Variants in PPARGC1B observed in about 807,000 individuals in gnomAD.
PPARGC1B encodes peroxisome proliferator-activated receptor gamma coactivator 1-beta.
In PPARGC1B, 34 loss-of-function variants were observed where a neutral mutation model predicts 101.6. The observed-to-expected ratio is 0.33, with a 90% confidence interval of 0.25 to 0.45. The LOEUF (loss-of-function observed/expected upper bound fraction) is 0.45, where lower values mean the gene tolerates loss of function less well. PPARGC1B is among the 20% of genes least tolerant of loss of function. The probability of loss-of-function intolerance (pLI) is 1.00; values close to 1 mark genes in which losing one functional copy is unlikely to be tolerated. For synonymous variants in PPARGC1B, 548 were observed against 539.3 expected, an observed-to-expected ratio of 1.02 and a Z score of -0.22; for missense variants, 1,234 against 1,317.6, an observed-to-expected ratio of 0.94 and a Z score of 0.98.
At chr5:149,765,501 G>A (rs1230203061) in intron 1 of PPARGC1B, among the ~76,000 whole-genome samples, 1 of 152,106 alleles carries the variant, frequency 6.6e-6, no homozygotes, top group Non-Finnish European at 1.5e-5. Context: ...CTGTGAGGTC[G>A]ATGGCTGTAA....
In PPARGC1B at chr5:149,832,069, G is replaced by T. The variant is rs1758804778; in HGVS notation, c.583-587G>T. On this transcript the variant is annotated intron_variant, in intron 4 of 11. Coordinates refer to ENST00000309241, the MANE Select transcript of PPARGC1B (RefSeq NM_133263.4). This position sits in a 1 kb window ranked among gnomAD's most constrained non-coding sequence, Gnocchi z 4.9. Reference sequence around the variant, plus strand: ...CGCCTGTAATCCCAGCACTTTGGGAGGCTGAGGCGGGAGGATCACTTGAGC... The same window carrying T: ...CGCCTGTAATCCCAGCACTTTGGGATGCTGAGGCGGGAGGATCACTTGAGC... 6.6e-6 allele frequency among the ~76,000 whole-genome samples: 1 copy of T among 152,200 alleles called. No individual in the cohort carries two copies. The highest frequency in any genetic ancestry group is 2.4e-5 in the African/African-American group (1 of 41,452).
chr5:149,770,322 G>A (rs1263853236), intron 1 of PPARGC1B, among the ~76,000 whole-genome samples: 2 of 152,092 alleles, frequency 1.3e-5, no homozygotes. Context: ...AAAAAGGCGA[G>A]AACACTCTAA....
At position 149,830,861 on chromosome 5, in the gene PPARGC1B, A is replaced by G. The variant is rs772403125; in HGVS notation, c.560A>G (p.Lys187Arg). 26 of 1,613,254 alleles carry G rather than the reference A, an allele frequency of 1.6e-5. No individual in the cohort carries two copies. The highest frequency in any genetic ancestry group is 2.2e-5 in the East Asian group (1 of 44,886). ...TGGCGCCAGGCAGGCCTCAGATCTA[A>G]AAGTCAACGGCCTTGTGTTAAGGTA... ...TAWRQAGLRSKSQRPCVKADS... is the reference protein window; with the variant it reads ...TAWRQAGLRSRSQRPCVKADS... The change falls in exon 4 of 12, where the codon AAA (lysine) becomes AGA (arginine). Residue 187 changes from lysine to arginine, a missense_variant. By Grantham distance (26) the Lys-to-Arg change is conservative. Transcript: ENST00000309241.
At chr5:149,830,048 A>AAAG (rs1758701925) in intron 3 of PPARGC1B, among the ~76,000 whole-genome samples, 1 of 120,600 alleles carries the variant, frequency 8.3e-6, no homozygotes, top group Admixed American at 8.3e-5. Flanking sequence ...AAAAAAAAAA[A>AAAG]AAAAAAGAAA....
At chr5:149,796,984 G>A (rs1361869348) in intron 1 of PPARGC1B, among the ~76,000 whole-genome samples, 1 of 152,214 alleles carries the variant, frequency 6.6e-6, no homozygotes, top group Non-Finnish European at 1.5e-5. Context: ...CAGCCTGTGT[G>A]CATTTCTAAC....
At chr5:149,772,173 T>G (rs1377074624) in intron 1 of PPARGC1B, 6 of 1,607,460 alleles carry the variant, frequency 3.7e-6, no homozygotes, top group African/African-American at 1.3e-5. Flanking sequence ...TTAGGTGGCG[T>G]TGGTGGTGAA....
intron 2 of PPARGC1B, among the ~76,000 whole-genome samples, chr5:149,824,908 C>T (rs1163012035): frequency 1.3e-5 from 2 of 152,254 alleles, no homozygotes; most frequent in Admixed American, 6.5e-5. Flanking sequence ...CGTGTTCCCC[C>T]TTCGAACTAC....
rs551950239 is a variant in PPARGC1B, at chr5:149,801,730, A to G, written c.79-18703A>G. ...GGGGCTGGAGTAGAGGCAGGAGGCTATGGCTGCCATTGACGTGTGAGTTGG... is the reference window on the plus strand; with the variant it reads ...GGGGCTGGAGTAGAGGCAGGAGGCTGTGGCTGCCATTGACGTGTGAGTTGG... On this transcript the variant is annotated intron_variant, in intron 1 of 11. Transcript: ENST00000309241. 1.6e-3 allele frequency among the ~76,000 whole-genome samples: 249 copies of G among 152,162 alleles called. 1 individual carries two copies. Among genetic ancestry groups the G allele is most frequent in the Non-Finnish European group, 1.6e-4 (11 of 67,974 alleles).
Position 149,833,062 on chromosome 5 carries a change from G to C in PPARGC1B, c.989G>C (p.Arg330Pro), listed in dbSNP as rs539604162. The C allele has an allele frequency of 1.2e-6, 2 of 1,613,596 alleles. No individual in the cohort carries two copies. The highest frequency in any genetic ancestry group is 2.7e-5 in the African/African-American group (2 of 74,820). Residue 330 changes from arginine to proline, a missense_variant, in exon 5 of 12, where the codon CGG becomes CCG. Physicochemically the swap from Arg to Pro is moderately radical, Grantham distance 103 (BLOSUM62 -2). Transcript: ENST00000309241. This position sits in a 1 kb window ranked among gnomAD's most constrained non-coding sequence, Gnocchi z 4.1. Reference protein sequence around the residue: ...SQQVRSRPWSRHHSKASWAEF... With the variant: ...SQQVRSRPWSPHHSKASWAEF... ...CAGGTCAGATCCCGGCCCTGGTCCC[G>C]GCACCACTCCAAAGCCTCCTGGGCT...
intron 7 of PPARGC1B, among the ~76,000 whole-genome samples, chr5:149,836,055 T>C (rs761931551): frequency 6.6e-6 from 1 of 150,980 alleles, no homozygotes; most frequent in Non-Finnish European, 1.5e-5. Context: ...GCCTGTTTAA[T>C]TTTTTTGTAT....
At chr5:149,794,559 A>G (rs1184461649) in intron 1 of PPARGC1B, among the ~76,000 whole-genome samples, 3 of 141,942 alleles carry the variant, frequency 2.1e-5, no homozygotes, top group African/African-American at 5.2e-5. Flanking sequence ...CACACATTCA[A>G]GCAAAATTCC....
At chr5:149,822,239 C>T (rs1581095984) in intron 2 of PPARGC1B, among the ~76,000 whole-genome samples, 1 of 152,144 alleles carries the variant, frequency 6.6e-6, no homozygotes, top group Non-Finnish European at 1.5e-5. Flanking sequence ...ACTGTATAGG[C>T]CCCCCACCTA....
intron 6 of PPARGC1B, 135 bp downstream of exon 6, chr5:149,834,845 T>G: frequency 1.3e-6 from 1 of 768,392 alleles, no homozygotes; most frequent in East Asian, 2.5e-5. Flanking sequence ...GATTGTCATC[T>G]GGGACCCTCA....
In PPARGC1B at chr5:149,842,594, G is replaced by A. The variant is rs77594554; in HGVS notation, c.2816+217G>A. Among the ~76,000 whole-genome samples, 28 of 152,382 alleles carry A rather than the reference G, an allele frequency of 1.8e-4. 2 individuals are homozygous for A. The East Asian group carries it at 5.4e-3, about 29-fold the overall frequency. ...CTGATGGTTTACGAAGTGCCAGGCA[G>A]TTTCCTTTCATTCTTTTATCTAAAC... On this transcript the variant is annotated intron_variant, in intron 10 of 11. Coordinates refer to ENST00000309241, the MANE Select transcript of PPARGC1B (RefSeq NM_133263.4).
At chr5:149,834,761 T>C in intron 6 of PPARGC1B, 51 bp downstream of exon 6, 2 of 1,535,998 alleles carry the variant, frequency 1.3e-6, no homozygotes, top group African/African-American at 2.7e-5. Flanking sequence ...TTTGTCTTGT[T>C]GGATGTGTGT....
intron 1 of PPARGC1B, among the ~76,000 whole-genome samples, chr5:149,819,746 G>A (rs1311773572): frequency 1.3e-5 from 2 of 152,134 alleles, no homozygotes; most frequent in African/African-American, 2.4e-5. Context: ...CGAATGATCC[G>A]CCCACCTTGG....
In PPARGC1B at chr5:149,734,027, TA is replaced by T. The variant is rs200146017; in HGVS notation, c.78+3613del. Among the ~76,000 whole-genome samples, 228 of 152,170 alleles carry T rather than the reference TA, an allele frequency of 1.5e-3. 4 individuals carry two copies. In the East Asian group the frequency reaches 0.037, roughly 24 times the overall value. ...GTTCATATAGATCACATCTTATTTT[TA>T]AAAAATGGAGTCGCCGGGCACGGTG... On this transcript the variant is annotated intron_variant, in intron 1 of 11. Coordinates refer to ENST00000309241, the MANE Select transcript of PPARGC1B (RefSeq NM_133263.4).
At chr5:149,840,926 T>TGG (rs1421809574) in intron 9 of PPARGC1B, among the ~76,000 whole-genome samples, 52 of 152,224 alleles carry the variant, frequency 3.4e-4, no homozygotes, top group African/African-American at 1.3e-3. Flanking sequence ...CACAGGTCCT[T>TGG]AAAACCGTGG....
intron 1 of PPARGC1B, among the ~76,000 whole-genome samples, chr5:149,763,136 C>T (rs1561858259): frequency 6.6e-6 from 1 of 151,436 alleles, no homozygotes; most frequent in Non-Finnish European, 1.5e-5. Flanking sequence ...GACCTGCCAT[C>T]CCCTGCAACT....
Sources: allele counts gnomAD v4.1 joint callset (sites outside exome capture counted in the v4.1 genomes callset), GRCh38; gene constraint gnomAD v4.1.1; non-coding constraint Gnocchi (gnomAD v3.1); transcripts MANE v1.5; gene names NCBI Gene and HGNC (gene_info 2026-07-23, HGNC 2026-07-21).